CACNA2D3: variants seen among roughly 807,000 people sequenced by gnomAD.
CACNA2D3 encodes the protein voltage-dependent calcium channel subunit alpha-2/delta-3.
Under a neutral mutation model 160.6 loss-of-function variants are expected in CACNA2D3, and 60 were observed. The observed-to-expected ratio is 0.37, with a 90% confidence interval of 0.30 to 0.46. CACNA2D3 has a LOEUF of 0.46. CACNA2D3 is among the 20% of genes least tolerant of loss of function. The probability of loss-of-function intolerance (pLI) is 1.00; values close to 1 mark genes in which losing one functional copy is unlikely to be tolerated. For synonymous variants in CACNA2D3, 558 were observed against 492.9 expected (o/e 1.13, Z -1.75); for missense variants, 1,205 against 1,365.0 (o/e 0.88, Z 1.85).
At chr3:54,315,786 C>T (rs1703846278) in intron 2 of CACNA2D3, among the ~76,000 whole-genome samples, 1 of 152,162 alleles carries the variant, frequency 6.6e-6, no homozygotes, top group South Asian at 2.1e-4. Flanking sequence ...CTGTGATACA[C>T]ACAGGACTCA....
intron 5 of CACNA2D3, among the ~76,000 whole-genome samples, chr3:54,510,545 G>A (rs1701444174): frequency 6.6e-6 from 1 of 152,158 alleles, no homozygotes; most frequent in African/African-American, 2.4e-5. Flanking sequence ...GCTCTCTGAA[G>A]CACTGTTCCT....
At chr3:54,581,573 C>T (rs536557433) in intron 8 of CACNA2D3, among the ~76,000 whole-genome samples, 10 of 152,280 alleles carry the variant, frequency 6.6e-5, no homozygotes, top group Admixed American at 6.5e-4. Context: ...TGCCAGCTAC[C>T]AGCACATGCT....
At chr3:54,964,508 T>C (rs1427647117) in intron 27 of CACNA2D3, among the ~76,000 whole-genome samples, 5 of 152,152 alleles carry the variant, frequency 3.3e-5, no homozygotes, top group Admixed American at 6.5e-5. Flanking sequence ...CTTAAATCAA[T>C]ATACTGTTAC....
chr3:54,513,829 C>T (rs935973655), intron 5 of CACNA2D3, among the ~76,000 whole-genome samples: 1 of 152,144 alleles, frequency 6.6e-6, no homozygotes, highest in Non-Finnish European at 1.5e-5. Flanking sequence ...TACAGGTGCA[C>T]ATCACCATGC....
intron 11 of CACNA2D3, among the ~76,000 whole-genome samples, chr3:54,650,167 C>T (rs929578043): frequency 2.0e-5 from 3 of 151,884 alleles, no homozygotes; most frequent in African/African-American, 7.3e-5. Context: ...ATATTTCAAA[C>T]AATTGTAGGG....
intron 2 of CACNA2D3, among the ~76,000 whole-genome samples, chr3:54,295,684 G>T (rs1329117565): frequency 6.6e-6 from 1 of 152,206 alleles, no homozygotes; most frequent in Non-Finnish European, 1.5e-5. Context: ...TAGTGAAATA[G>T]TAAGGCCGAG....
intron 2 of CACNA2D3, among the ~76,000 whole-genome samples, chr3:54,187,170 CT>C (rs1700893198): frequency 6.6e-6 from 1 of 152,178 alleles, no homozygotes. Flanking sequence ...ACGGGGTGAC[CT>C]TGGAAGAGTC....
intron 27 of CACNA2D3, among the ~76,000 whole-genome samples, chr3:54,931,803 A>T (rs1448013941): frequency 6.6e-6 from 1 of 152,218 alleles, no homozygotes; most frequent in African/African-American, 2.4e-5. Flanking sequence ...AAAATCAATG[A>T]TTATTAACCC....
At chr3:54,662,678 C>T (rs960059788) in intron 11 of CACNA2D3, among the ~76,000 whole-genome samples, 1 of 152,210 alleles carries the variant, frequency 6.6e-6, no homozygotes, top group Admixed American at 6.5e-5. Flanking sequence ...GATTTTGCTG[C>T]GCTTGCTTCT....
chr3:54,326,307 A>G (rs1704119742), intron 3 of CACNA2D3, among the ~76,000 whole-genome samples: 1 of 152,214 alleles, frequency 6.6e-6, no homozygotes, highest in South Asian at 2.1e-4. Flanking sequence ...GCTAGAGGGT[A>G]CTATTAAAGC....
chr3:54,525,148 T>C (rs78089895), intron 5 of CACNA2D3, among the ~76,000 whole-genome samples: 1,967 of 152,250 alleles, frequency 0.013, 29 homozygotes, highest in Middle Eastern at 0.065. Context: ...TTCATTATAT[T>C]AACCTTATTT....
intron 31 of CACNA2D3, among the ~76,000 whole-genome samples, chr3:54,992,328 T>C (rs1702760500): frequency 6.6e-6 from 1 of 152,196 alleles, no homozygotes; most frequent in African/African-American, 2.4e-5. Flanking sequence ...GAGGGATATA[T>C]GGAATGATAT....
chr3:54,851,871 G>A (rs1699064930), intron 17 of CACNA2D3, among the ~76,000 whole-genome samples: 1 of 152,120 alleles, frequency 6.6e-6, no homozygotes, highest in Non-Finnish European at 1.5e-5. Context: ...AATATGATGT[G>A]TATCCTACAT....
intron 27 of CACNA2D3, among the ~76,000 whole-genome samples, chr3:54,906,856 A>T (rs1426985631): frequency 6.6e-6 from 1 of 152,238 alleles, no homozygotes; most frequent in African/African-American, 2.4e-5. Context: ...ATGTAGCTAT[A>T]GGTCACACTT....
intron 25 of CACNA2D3, among the ~76,000 whole-genome samples, chr3:54,892,768 T>A (rs1277465839): frequency 6.6e-6 from 1 of 152,138 alleles, no homozygotes; most frequent in African/African-American, 2.4e-5. Flanking sequence ...GCTGCTGGCA[T>A]TGAGACTGAA....
chr3:54,937,826 A>G (rs1175199035), intron 27 of CACNA2D3, among the ~76,000 whole-genome samples: 3 of 152,122 alleles, frequency 2.0e-5, no homozygotes, highest in Admixed American at 1.3e-4. Context: ...GGCGGGCATG[A>G]TCACAGCACA....
At chr3:54,824,400 A>T (rs1385809613) in intron 14 of CACNA2D3, among the ~76,000 whole-genome samples, 1 of 152,166 alleles carries the variant, frequency 6.6e-6, no homozygotes, top group African/African-American at 2.4e-5. Flanking sequence ...GGGAAGGACT[A>T]CCTTGGCTTA....
intron 11 of CACNA2D3, among the ~76,000 whole-genome samples, chr3:54,724,631 C>T (rs1209837851): frequency 6.6e-6 from 1 of 152,136 alleles, no homozygotes; most frequent in Non-Finnish European, 1.5e-5. Context: ...CAAAACCACA[C>T]AGCTACATGG....
Position 54,896,795 on chromosome 3 carries a change from C to T in CACNA2D3, c.2293C>T (p.His765Tyr), listed in dbSNP as rs1700200246. Residue 765 changes from histidine to tyrosine, a missense_variant, in exon 26 of 38, where the codon CAT becomes TAT. By Grantham distance (83) the His-to-Tyr change is moderately conservative. This residue lies in a region of CACNA2D3 where 911 missense variants were observed against 1,002.2 expected (regional missense o/e 0.91). Coordinates refer to ENST00000474759, the MANE Select transcript of CACNA2D3 (RefSeq NM_018398.3). ...CAAGGAGAACATTTTTAACGCAGAC[C>T]ATTTCCCTCTCTGGTACCGAAGAGC... ...GDKENIFNAD[H>Y]FPLWYRRAAE... 2.5e-6 allele frequency: 4 copies of T among 1,614,010 alleles called. No individual in the cohort carries two copies. Among genetic ancestry groups the T allele is most frequent in the African/African-American group, 1.3e-5 (1 of 75,044 alleles).
Sources: gnomAD v4.1 joint callset for allele counts (sites outside exome capture counted in the v4.1 genomes callset) on GRCh38, gnomAD v4.1.1 for gene constraint, gnomAD v4.1.1 regional missense constraint, MANE v1.5 for transcripts, NCBI Gene and HGNC (gene_info 2026-07-23, HGNC 2026-07-21) for gene names.